ASIC4: variants seen among roughly 807,000 people sequenced by gnomAD.
ASIC4 encodes the protein acid-sensing ion channel 4.
Under a neutral mutation model 53.4 loss-of-function variants are expected in ASIC4, and 28 were observed. That is an observed-to-expected ratio of 0.52 (90% CI 0.39 to 0.72). The LOEUF (loss-of-function observed/expected upper bound fraction) is 0.72. ASIC4 is among the 30% of genes least tolerant of loss of function. The pLI is 0.00. For synonymous variants in ASIC4, 289 were observed against 301.4 expected (o/e 0.96, Z 0.43); for missense variants, 649 against 729.7 (o/e 0.89, Z 1.27).
chr2:219,538,089 C>G lies in ASIC4; in HGVS notation c.*43C>G, dbSNP rs377580621. ...AAGGACCCAGGAGTCTGGGACCCCT[C>G]CTGGGATCCCCAGCACATTCTCCTG... On this transcript the variant is annotated 3_prime_UTR_variant, in exon 10 of 10. Transcript: ENST00000358078. 1.3e-6 allele frequency: 2 copies of G among 1,482,416 alleles called. No homozygotes were observed. The highest frequency in any genetic ancestry group is 2.3e-5 in the East Asian group (1 of 42,814). The allele number at this position is 1,482,416 out of a possible 1,614,324, so 91.8% of individuals were successfully genotyped here. A position where few individuals can be genotyped will look rare whatever the true frequency, so the allele number is the denominator to read the frequency against.
chr2:219,511,401 C>A (rs907460976), upstream of ASIC4, among the ~76,000 whole-genome samples: 1 of 151,430 alleles, frequency 6.6e-6, no homozygotes, highest in Non-Finnish European at 1.5e-5. The surrounding 1 kb of genome is among the most constrained non-coding windows in gnomAD (Gnocchi z 5.3). Context: ...TGCCCCCCCC[C>A]CACATTCTGC....
chr2:219,513,269 C>A (rs1208714731), upstream of ASIC4, among the ~76,000 whole-genome samples: 2 of 152,136 alleles, frequency 1.3e-5, no homozygotes, highest in East Asian at 3.9e-4. Context: ...GCTTCCTCCC[C>A]CGTGAGGGCA....
At chr2:219,526,386 CAA>C (rs1270838484) in intron 1 of ASIC4, among the ~76,000 whole-genome samples, 3 of 152,188 alleles carry the variant, frequency 2.0e-5, no homozygotes, top group South Asian at 2.1e-4. Context: ...AGGAGGAAGA[CAA>C]GAGGCTGAGA....
At chr2:219,509,705 C>G (rs894231190), upstream of ASIC4, among the ~76,000 whole-genome samples, 2 of 152,018 alleles carry the variant, frequency 1.3e-5, no homozygotes, top group African/African-American at 4.8e-5. This position sits in a 1 kb window ranked among gnomAD's most constrained non-coding sequence, Gnocchi z 5.2. Context: ...AAGGGGTGAT[C>G]TCTGGGAAGC....
chr2:219,528,707 T>G (rs1171515944), intron 1 of ASIC4, among the ~76,000 whole-genome samples: 1 of 152,084 alleles, frequency 6.6e-6, no homozygotes, highest in East Asian at 1.9e-4. Context: ...ACCCAGCTAA[T>G]TTTTGTATTT....
intron 1 of ASIC4, among the ~76,000 whole-genome samples, chr2:219,519,004 A>C (rs1694844453): frequency 6.6e-6 from 1 of 152,100 alleles, no homozygotes. Context: ...CCCGGGGTTC[A>C]TGCCATTCTC....
intron 2 of ASIC4, 23 bp from the exon 3 acceptor site, chr2:219,531,978 A>T: frequency 6.2e-7 from 1 of 1,613,852 alleles, no homozygotes; most frequent in East Asian, 2.2e-5. Flanking sequence ...GGGTTTCCAA[A>T]GGTCCCCATC....
At chr2:219,510,841 A>AC (rs1293782210), upstream of ASIC4, among the ~76,000 whole-genome samples, 1 of 143,922 alleles carries the variant, frequency 6.9e-6, no homozygotes, top group Admixed American at 6.9e-5. The surrounding 1 kb of genome is among the most constrained non-coding windows in gnomAD (Gnocchi z 5.2). Context: ...GGGACTCCCC[A>AC]CCCCCCTTCT....
intron 2 of ASIC4, 29 bp downstream of exon 2, chr2:219,531,931 ACCTTGGGGACTGGGG>A (rs1559119068): frequency 4.3e-6 from 7 of 1,611,830 alleles, no homozygotes; most frequent in Non-Finnish European, 5.9e-6. Flanking sequence ...GACAAGGGCC[ACCTTGGGGACTGGGG>A]CCTGGGCCCT....
chr2:219,532,452 C>T lies in ASIC4; in HGVS notation c.993C>T (p.Cys331=), dbSNP rs768631902. The T allele has an allele frequency of 1.2e-6, 2 of 1,613,434 alleles. No individual in the cohort carries two copies. The highest frequency in any genetic ancestry group is 3.3e-5 in the Admixed American group (2 of 60,010). The part of the protein sequence containing the change: ...RCEKEAVLQR[C]HCRMVHMPGN... ...AAAAGGAGGCCGTGCTTCAGCGCTG[C>T]CACTGCCGGATGGTGCACATGCCAG... The change falls in exon 4 of 10, where the codon TGC becomes TGT. Residue 331 remains cysteine, a synonymous_variant. Coordinates refer to ENST00000358078, the MANE Select transcript of ASIC4 (RefSeq NM_018674.6).
At chr2:219,531,967 T>A in intron 2 of ASIC4, 34 bp from the exon 3 acceptor site, 1 of 1,613,694 alleles carries the variant, frequency 6.2e-7, no homozygotes, top group Non-Finnish European at 8.5e-7. Context: ...CTGCCTGGGA[T>A]GGGTTTCCAA....
At chr2:219,533,008 CT>C in intron 5 of ASIC4, 69 bp downstream of exon 5, 1 of 1,497,812 alleles carries the variant, frequency 6.7e-7, no homozygotes, top group Middle Eastern at 1.7e-4. Flanking sequence ...CTTCTCCTCA[CT>C]GTCTTGGATC....
rs950696777 is a variant in ASIC4, at chr2:219,534,503, G to A, written c.1076-668G>A. Among the ~76,000 whole-genome samples the A allele has an allele frequency of 5.3e-5, 8 of 152,204 alleles. No individual in the cohort carries two copies. In the East Asian group the frequency reaches 9.6e-4, roughly 18 times the overall value. On this transcript the variant is annotated intron_variant, in intron 5 of 9. Transcript: ENST00000358078. ...CGGCCTGGCAGTGAGAAAGCCAGGC[G>A]GGAGAAATACCCTGGCATCTCTTCC...
intron 1 of ASIC4, among the ~76,000 whole-genome samples, chr2:219,515,740 G>A (rs1330927257): frequency 6.6e-6 from 1 of 152,232 alleles, no homozygotes. Context: ...ATAGGGAGGG[G>A]AGGTTTGGGG....
chr2:219,509,218 GCC>G (rs1453626952), upstream of ASIC4, among the ~76,000 whole-genome samples: 2 of 152,048 alleles, frequency 1.3e-5, no homozygotes, highest in African/African-American at 4.8e-5. This position sits in a 1 kb window ranked among gnomAD's most constrained non-coding sequence, Gnocchi z 5.2. Flanking sequence ...GCAGATTGCA[GCC>G]CCCTCCCCCT....
rs569609183 is a variant in ASIC4 at position 219,537,618 on chromosome 2, C to T, written c.1402-14C>T. 1.4e-5 allele frequency: 22 copies of T among 1,607,166 alleles called. No homozygotes were observed. The East Asian group carries it at 4.2e-4, about 31-fold the overall frequency. On this transcript the variant is annotated splice_polypyrimidine_tract_variant and intron_variant, in intron 8 of 9. Transcript: ENST00000358078. This position sits in a 1 kb window ranked among gnomAD's most constrained non-coding sequence, Gnocchi z 4.9. ...TTCCTGAGCCCACTGCTGTCCCCGA[C>T]CCTGAACCCCAAGGTGTCCTGGGAT...
intron 4 of ASIC4, 187 bp downstream of exon 4, chr2:219,532,664 G>A: frequency 4.6e-6 from 4 of 862,076 alleles, no homozygotes; most frequent in Non-Finnish European, 7.0e-6. Flanking sequence ...GGGAATGCCG[G>A]CATGCAGATG....
chr2:219,527,437 G>A (rs77768496), intron 1 of ASIC4, among the ~76,000 whole-genome samples: 225 of 152,316 alleles, frequency 1.5e-3, no homozygotes, highest in African/African-American at 5.0e-3. Flanking sequence ...CTGGGCATTC[G>A]TTCTGCCCTG....
intron 1 of ASIC4, among the ~76,000 whole-genome samples, chr2:219,522,335 G>A (rs1220649594): frequency 6.6e-6 from 1 of 151,338 alleles, no homozygotes; most frequent in East Asian, 2.0e-4. Flanking sequence ...ACAAATGTGT[G>A]GAAGGTGTAA....
Sources: gnomAD v4.1 joint callset for allele counts (sites outside exome capture counted in the v4.1 genomes callset) on GRCh38, gnomAD v4.1.1 for gene constraint, Gnocchi (gnomAD v3.1) non-coding constraint, MANE v1.5 for transcripts, NCBI Gene and HGNC (gene_info 2026-07-23, HGNC 2026-07-21) for gene names.